The following SCARA5 variants were observed in gnomAD, a reference collection of about 807,000 sequenced individuals.
SCARA5 encodes the protein scavenger receptor class A member 5, also known as scavenger receptor class A, member 5 (putative).
A neutral mutation model predicts 46.3 loss-of-function variants in SCARA5; 45 were observed. The ratio of observed to expected loss-of-function variants is 0.97; its 90% CI spans 0.76 to 1.24. SCARA5 has a LOEUF of 1.24. Ranked by LOEUF, SCARA5 falls within the 50% of genes most tolerant of loss-of-function variation. The probability of loss-of-function intolerance (pLI) is 0.00; values close to 1 mark genes in which losing one functional copy is unlikely to be tolerated. For synonymous variants in SCARA5, 333 were observed against 306.5 expected (o/e 1.09, Z -0.90); for missense variants, 680 against 689.0 (o/e 0.99, Z 0.15).
chr8:27,969,054 A>G lies in SCARA5; in HGVS notation c.113-2512T>C, dbSNP rs17058387. ...GGTTTCAAATAGAGGTTTCCCACAA[A>G]TGGTTAGACAAGCAGAACATGAATG... On this transcript the variant is annotated intron_variant, in intron 2 of 8. Transcript: ENST00000354914. Among the ~76,000 whole-genome samples the G allele has an allele frequency of 7.9e-3, 1,196 of 152,312 alleles. 18 individuals carry two copies. The highest frequency in any genetic ancestry group is 0.028 in the African/African-American group (1,156 of 41,556).
At chr8:27,939,971 T>TC (rs746356962) in intron 3 of SCARA5, among the ~76,000 whole-genome samples, 4 of 152,208 alleles carry the variant, frequency 2.6e-5, no homozygotes, top group Non-Finnish European at 4.4e-5. Flanking sequence ...CCTGTATTTT[T>TC]CTCCAGTCTG....
At chr8:27,930,621 C>G (rs149174263) in intron 3 of SCARA5, among the ~76,000 whole-genome samples, 3 of 152,092 alleles carry the variant, frequency 2.0e-5, no homozygotes, top group Non-Finnish European at 4.4e-5. Flanking sequence ...AGGCTGGTCT[C>G]GAACTCCGGA....
At chr8:27,903,818 C>T (rs1230318832) in intron 7 of SCARA5, 1 of 152,032 alleles carries the variant, frequency 6.6e-6, no homozygotes, top group Non-Finnish European at 1.5e-5. Flanking sequence ...AAGCTATTAA[C>T]ACAGGGACTC....
At position 27,987,672 on chromosome 8, in the gene SCARA5, CG is replaced by C. The variant is rs1563203128; in HGVS notation, c.-15-43del. 2.6e-6 allele frequency: 3 copies of C among 1,173,498 alleles called. No individual in the cohort carries two copies. In the African/African-American group the frequency reaches 4.5e-5, roughly 18 times the overall value. 72.7% of individuals were successfully genotyped at this position (1,173,498 alleles called of 1,614,324 possible). Reference sequence around the variant, plus strand: ...AGGGGAGGAGAGGGAGGACGAAGGCCGGGAGAGAGACAGAGAATCAACTGTA... The same window carrying C: ...AGGGGAGGAGAGGGAGGACGAAGGCCGGAGAGAGACAGAGAATCAACTGTA... On this transcript the variant is annotated intron_variant, in intron 1 of 8. Transcript: ENST00000354914.
At chr8:27,891,404 C>T (rs142653266) in intron 7 of SCARA5, among the ~76,000 whole-genome samples, 6,386 of 152,124 alleles carry the variant, frequency 0.042, 194 homozygotes, top group South Asian at 0.1. Flanking sequence ...CAGGGTCTCA[C>T]CATGTTGGCC....
intron 7 of SCARA5, among the ~76,000 whole-genome samples, chr8:27,895,284 C>T (rs568205368): frequency 4.6e-5 from 7 of 152,228 alleles, no homozygotes; most frequent in East Asian, 3.9e-4. Context: ...AAGAACTCCC[C>T]GTGCCCCCAG....
chr8:27,941,739 CT>C (rs1447901614), intron 3 of SCARA5, among the ~76,000 whole-genome samples: 6 of 151,620 alleles, frequency 4.0e-5, no homozygotes, highest in Admixed American at 3.9e-4. Flanking sequence ...TCACAAAGCA[CT>C]GCTGTGGACA....
intron 3 of SCARA5, among the ~76,000 whole-genome samples, chr8:27,942,746 T>C (rs1238898827): frequency 1.3e-5 from 2 of 152,102 alleles, no homozygotes; most frequent in African/African-American, 2.4e-5. Flanking sequence ...CTTGAGTGGG[T>C]TGGAGGGCTG....
chr8:27,948,297 C>T (rs574974648), intron 3 of SCARA5, among the ~76,000 whole-genome samples: 2 of 152,194 alleles, frequency 1.3e-5, no homozygotes, highest in East Asian at 1.9e-4. Context: ...TCCAGGCAAG[C>T]AATTACTCAG....
At chr8:27,879,439 C>T in intron 8 of SCARA5, 130 bp downstream of exon 8, 1 of 839,422 alleles carries the variant, frequency 1.2e-6, no homozygotes, top group Non-Finnish European at 1.9e-6. Flanking sequence ...GTTCTTATTG[C>T]AGCAAGCATT....
intron 3 of SCARA5, among the ~76,000 whole-genome samples, chr8:27,957,196 T>A (rs551331934): frequency 6.6e-6 from 1 of 152,262 alleles, no homozygotes; most frequent in East Asian, 1.9e-4. Flanking sequence ...TTAGCAAGGG[T>A]TGGGCACTGC....
intron 3 of SCARA5, among the ~76,000 whole-genome samples, 179 bp from the exon 4 acceptor site, chr8:27,922,424 G>A (rs139361577): frequency 1.2e-3 from 179 of 152,244 alleles, no homozygotes; most frequent in African/African-American, 4.1e-3. Flanking sequence ...TAAACCAGTG[G>A]TCCCCAAACC....
At chr8:27,917,568 A>G (rs1807482684) in intron 4 of SCARA5, among the ~76,000 whole-genome samples, 1 of 152,180 alleles carries the variant, frequency 6.6e-6, no homozygotes, top group Non-Finnish European at 1.5e-5. Context: ...TTTCTGGACC[A>G]GGCAGACCCA....
At chr8:27,956,292 C>T (rs1185540757) in intron 3 of SCARA5, among the ~76,000 whole-genome samples, 1 of 152,110 alleles carries the variant, frequency 6.6e-6, no homozygotes, top group Admixed American at 6.5e-5. Flanking sequence ...ATCCCCAAAC[C>T]CATAATAATA....
rs191109927 is a variant in SCARA5 at position 27,890,880 on chromosome 8, C to T, written c.1154-11114G>A. ...ACAGAGGTATTTCACCCTGTCTCTT[C>T]TTTGGATGCAAAATGCTGCGAGGCA... On this transcript the variant is annotated intron_variant, in intron 7 of 8. Transcript: ENST00000354914. Among the ~76,000 whole-genome samples, 367 of 152,348 alleles carry T rather than the reference C, an allele frequency of 2.4e-3. 1 individual carries two copies. Among genetic ancestry groups the T allele is most frequent in the Non-Finnish European group, 3.9e-3 (266 of 68,036 alleles).
chr8:27,910,931 C>T (rs562597264), intron 4 of SCARA5, among the ~76,000 whole-genome samples: 1 of 152,336 alleles, frequency 6.6e-6, no homozygotes, highest in African/African-American at 2.4e-5. Flanking sequence ...TGCAGTTACT[C>T]ATCTGAGACC....
chr8:27,880,055 A>G (rs918457079), intron 7 of SCARA5, among the ~76,000 whole-genome samples: 3 of 152,204 alleles, frequency 2.0e-5, no homozygotes, highest in Non-Finnish European at 2.9e-5. Flanking sequence ...ACCTACAGCC[A>G]TCTGATCTTC....
intron 7 of SCARA5, among the ~76,000 whole-genome samples, chr8:27,895,341 C>T (rs79415701): frequency 0.011 from 1,610 of 152,272 alleles, 14 homozygotes; most frequent in African/African-American, 0.016. Flanking sequence ...TGACACTGCT[C>T]GGCAGGAAAT....
At chr8:27,896,822 A>T (rs1274287875) in intron 7 of SCARA5, among the ~76,000 whole-genome samples, 1 of 152,116 alleles carries the variant, frequency 6.6e-6, no homozygotes, top group Non-Finnish European at 1.5e-5. Flanking sequence ...GGCTGGGCGC[A>T]GTGGCTCACG....
Sources: gnomAD v4.1 joint callset for allele counts (sites outside exome capture counted in the v4.1 genomes callset) on GRCh38, gnomAD v4.1.1 for gene constraint, MANE v1.5 for transcripts, NCBI Gene and HGNC (gene_info 2026-07-23, HGNC 2026-07-21) for gene names.